The following BRMS1 variants were observed in gnomAD, a reference collection of about 807,000 sequenced individuals.
BRMS1 encodes breast cancer metastasis-suppressor 1.
In BRMS1, 26 loss-of-function variants were observed where a neutral mutation model predicts 40.4. The ratio of observed to expected loss-of-function variants is 0.64; its 90% confidence interval spans 0.47 to 0.89. The LOEUF is 0.89. BRMS1 is among the 40% of genes least tolerant of loss of function. The probability of loss-of-function intolerance (pLI) is 0.00; values close to 1 mark genes in which losing one functional copy is unlikely to be tolerated. For synonymous variants in BRMS1, 103 were observed against 116.0 expected (o/e 0.89, Z 0.72); for missense variants, 289 against 309.4 (o/e 0.93, Z 0.49).
Position 66,341,457 on chromosome 11 carries a change from G to A in BRMS1, c.230+76C>T, listed in dbSNP as rs183639989. 48 of 1,597,024 alleles carry A rather than the reference G, an allele frequency of 3.0e-5. No individual in the cohort carries two copies. In the East Asian group the frequency reaches 6.5e-4, roughly 22 times the overall value. ...CGCGCACTTCCTGGGCACCAACCAC[G>A]CCTGCCCAGTACCAGGCCCACCACC... is the stretch of plus-strand genomic sequence containing the variant. On this transcript the variant is annotated intron_variant, in intron 3 of 9. Transcript: ENST00000359957. This position sits in a 1 kb window ranked among gnomAD's most constrained non-coding sequence, Gnocchi z 4.9.
At chr11:66,344,116 C>T (rs1007679220) in intron 1 of BRMS1, among the ~76,000 whole-genome samples, 3 of 152,224 alleles carry the variant, frequency 2.0e-5, no homozygotes, top group Non-Finnish European at 2.9e-5. Context: ...TATCTGTCCC[C>T]GCAATCAGTC....
chr11:66,340,645 C>T (rs1855043819), intron 6 of BRMS1, 129 bp downstream of exon 6: 2 of 754,278 alleles, frequency 2.7e-6, no homozygotes, highest in Non-Finnish European at 4.3e-6. Context: ...TCTCCTTCAG[C>T]CCTCACACTG....
chr11:66,341,753 C>T lies in BRMS1; in HGVS notation c.140-130G>A. 2 of 811,682 alleles carry T rather than the reference C, an allele frequency of 2.5e-6. No individual in the cohort carries two copies. Among genetic ancestry groups the T allele is most frequent in the East Asian group, 5.0e-5 (2 of 39,768 alleles). The allele number at this position is 811,682 out of a possible 1,614,324, so 50.3% of individuals were successfully genotyped here. On this transcript the variant is annotated intron_variant, in intron 2 of 9. Transcript: ENST00000359957. This position sits in a 1 kb window ranked among gnomAD's most constrained non-coding sequence, Gnocchi z 4.9. Reference sequence around the variant, plus strand: ...TAGGGCCTGTGTGTGTGTGCGCGTACATGCTTGTGTGAAGGGGCTGTGTGT... The same window carrying T: ...TAGGGCCTGTGTGTGTGTGCGCGTATATGCTTGTGTGAAGGGGCTGTGTGT...
chr11:66,341,612 C>T lies in BRMS1; in HGVS notation c.151G>A (p.Glu51Lys), dbSNP rs1200243088. 1.2e-6 allele frequency: 2 copies of T among 1,613,898 alleles called. No individual in the cohort carries two copies. Among genetic ancestry groups the T allele is most frequent in the Admixed American group, 1.7e-5 (1 of 60,008 alleles). ...SEEESSEMDD[E>K]DYERRRSECV... ...TCGCTGCGGCGTCGCTCATAGTCCTCATCATCCATCTCTGGGACAAGAGGC... is the reference window on the plus strand; with the variant it reads ...TCGCTGCGGCGTCGCTCATAGTCCTTATCATCCATCTCTGGGACAAGAGGC... The change falls in exon 3 of 10, where the codon GAG becomes AAG. Residue 51 changes from glutamate to lysine, a missense_variant. Coordinates refer to ENST00000359957, the MANE Select transcript of BRMS1 (RefSeq NM_015399.4). The surrounding 1 kb of genome is among the most constrained non-coding windows in gnomAD (Gnocchi z 4.9).
rs777528665 is a variant in BRMS1 at position 66,340,180 on chromosome 11, C to A, written c.569G>T (p.Ser190Ile). ...CGGCAGGGAGTCCCAAGACCTGGAG[C>A]TGCCTCTGGCGTGCAGTTTGTCATC... ...WWDDKLHARG[S>I]SRSWDSLPPS... Residue 190 changes from serine to isoleucine, a missense_variant, in exon 7 of 10, where the codon AGC becomes ATC. Transcript: ENST00000359957. 1.2e-6 allele frequency: 2 copies of A among 1,613,648 alleles called. No individual in the cohort carries two copies. Among genetic ancestry groups the A allele is most frequent in the African/African-American group, 1.3e-5 (1 of 74,812 alleles).
rs574425245 is a variant in BRMS1, at chr11:66,341,987, G to A, written c.139+109C>T. 263 of 1,240,502 alleles carry A rather than the reference G, an allele frequency of 2.1e-4. 1 individual carries two copies. The highest frequency in any genetic ancestry group is 8.2e-4 in the South Asian group (58 of 70,688). The allele number at this position is 1,240,502 out of a possible 1,614,324, so 76.8% of individuals were successfully genotyped here. ...TCTGTGTATGTGCTTGTGTGTAGGC[G>A]CTGTATGTGCATGTGCGTGCATGCT... On this transcript the variant is annotated intron_variant, in intron 2 of 9. Coordinates refer to ENST00000359957, the MANE Select transcript of BRMS1 (RefSeq NM_015399.4). This position sits in a 1 kb window ranked among gnomAD's most constrained non-coding sequence, Gnocchi z 4.9.
intron 6 of BRMS1, 68 bp from the exon 7 acceptor site, chr11:66,340,281 G>A (rs549534128): frequency 7.0e-7 from 1 of 1,421,136 alleles, no homozygotes; most frequent in East Asian, 2.3e-5. Flanking sequence ...TGTAGCCTCT[G>A]CCTCCACCAT....
chr11:66,340,856 C>G lies in BRMS1; in HGVS notation c.453G>C (p.Leu151=), dbSNP rs1356848445. The part of the protein sequence containing the change: ...AKQHLESEKL[L]LYDTLQGELQ... The stretch of plus-strand genomic sequence containing the variant: ...GCTCCCCCTGCAGCGTGTCATAGAG[C>G]AGCAGCTTCTCACTCTGGAAGAGGG... The change falls in exon 6 of 10, where the codon CTG becomes CTC. Residue 151 remains leucine, a synonymous_variant. Transcript: ENST00000359957. 3 of 1,613,978 alleles carry G rather than the reference C, an allele frequency of 1.9e-6. No individual in the cohort carries two copies. Among genetic ancestry groups the G allele is most frequent in the Non-Finnish European group, 2.5e-6 (3 of 1,180,024 alleles).
At position 66,341,970 on chromosome 11, in the gene BRMS1, T is replaced by C. The variant is rs1308033587; in HGVS notation, c.139+126A>G. On this transcript the variant is annotated intron_variant, in intron 2 of 9. Transcript: ENST00000359957. This position sits in a 1 kb window ranked among gnomAD's most constrained non-coding sequence, Gnocchi z 4.9. ...TGCGCTTGTGTGCAGGGTCTGTGTA[T>C]GTGCTTGTGTGTAGGCGCTGTATGT... 1 of 1,063,538 alleles carries C rather than the reference T, an allele frequency of 9.4e-7. No individual in the cohort carries two copies. The highest frequency in any genetic ancestry group is 1.4e-6 in the Non-Finnish European group (1 of 735,120). The allele number at this position is 1,063,538 out of a possible 1,614,324, so 65.9% of individuals were successfully genotyped here. A position where few individuals can be genotyped will look rare whatever the true frequency, so the allele number is the denominator to read the frequency against.
rs777193514 is a variant in BRMS1, at chr11:66,341,548, G to A, written c.215C>T (p.Ser72Leu). ...SEMLDLEKQF[S>L]ELKEKLFRER... ...CCACGCTCACTTCTCCTTTAGCTCC[G>A]AGAACTGCTTCTCTAGGTCCAGCAT... Residue 72 changes from serine to leucine, a missense_variant, in exon 3 of 10, where the codon TCG becomes TTG. Transcript: ENST00000359957. This position sits in a 1 kb window ranked among gnomAD's most constrained non-coding sequence, Gnocchi z 4.9. The A allele has an allele frequency of 2.3e-5, 37 of 1,613,914 alleles. No homozygotes were observed. Among genetic ancestry groups the A allele is most frequent in the South Asian group, 4.4e-5 (4 of 91,082 alleles).
rs781328384 is a variant in BRMS1, at chr11:66,340,978, G to A, written c.427C>T (p.Gln143Ter). Residue 143 changes from glutamine (Q) to a stop codon, truncating the protein, a stop_gained, in exon 5 of 10, where the codon CAG (glutamine) becomes TAG (stop). Transcript: ENST00000359957. LOFTEE classifies it high-confidence loss of function. ...KYECELQGAK[Q>*]HLESEKLLLY... ...CCAATCAGGCCCACCTCCAGGTGCT[G>A]TTTGGCTCCCTGCAGCTCACATTCG... 1 of 1,614,126 alleles carries A rather than the reference G, an allele frequency of 6.2e-7. No homozygotes were observed. The highest frequency in any genetic ancestry group is 8.5e-7 in the Non-Finnish European group (1 of 1,180,036).
chr11:66,338,348 C>T (rs1370015072), intron 8 of BRMS1, 66 bp from the exon 9 acceptor site: 49 of 1,557,100 alleles, frequency 3.1e-5, no homozygotes, highest in Non-Finnish European at 4.0e-5. Context: ...CTGCCCCACC[C>T]CCCACCTCTG....
chr11:66,344,946 C>T (rs1320355276), intron 1 of BRMS1, 26 bp downstream of exon 1: 1 of 152,282 alleles, frequency 6.6e-6, no homozygotes, highest in African/African-American at 2.4e-5. Flanking sequence ...GAGGGCGAAC[C>T]AAAAGCCATG....
chr11:66,338,562 GC>G (rs1565204914), intron 8 of BRMS1, 158 bp downstream of exon 8: 1 of 1,544,210 alleles, frequency 6.5e-7, no homozygotes, highest in African/African-American at 1.4e-5. Flanking sequence ...GCCGCCTTGA[GC>G]AAGAGGACTT....
chr11:66,341,915 G>A lies in BRMS1; in HGVS notation c.139+181C>T. ...TTGTGTGTAGGGGCTGTGTGTGCGTGCTTGTGTGTAGGGGCTGTGTGTGCG... is the reference window on the plus strand; with the variant it reads ...TTGTGTGTAGGGGCTGTGTGTGCGTACTTGTGTGTAGGGGCTGTGTGTGCG... On this transcript the variant is annotated intron_variant, in intron 2 of 9. Transcript: ENST00000359957. This position sits in a 1 kb window ranked among gnomAD's most constrained non-coding sequence, Gnocchi z 4.9. The A allele has an allele frequency of 1.4e-6, 1 of 714,592 alleles. No individual in the cohort carries two copies. Among genetic ancestry groups the A allele is most frequent in the Non-Finnish European group, 2.4e-6 (1 of 421,888 alleles). The allele number at this position is 714,592 out of a possible 1,614,324, so 44.3% of individuals were successfully genotyped here.
Position 66,337,491 on chromosome 11 carries a change from A to G in BRMS1, c.*391T>C. ...ATCACGTCTGACTCAGAGTTCCCGC[A>G]CAGTGGAAACTGGCTCCCTGGCCCT... On this transcript the variant is annotated 3_prime_UTR_variant, in exon 10 of 10. Transcript: ENST00000359957. 3.3e-6 allele frequency: 2 copies of G among 609,018 alleles called. No homozygotes were observed. The highest frequency in any genetic ancestry group is 2.6e-4 in the Middle Eastern group (1 of 3,896). The allele number at this position is 609,018 out of a possible 1,614,324, so 37.7% of individuals were successfully genotyped here.
At chr11:66,344,115 C>T (rs1213033861) in intron 1 of BRMS1, among the ~76,000 whole-genome samples, 3 of 152,330 alleles carry the variant, frequency 2.0e-5, no homozygotes, top group East Asian at 3.8e-4. Flanking sequence ...ATATCTGTCC[C>T]CGCAATCAGT....
At chr11:66,344,390 C>T (rs776849462) in intron 1 of BRMS1, among the ~76,000 whole-genome samples, 8 of 152,218 alleles carry the variant, frequency 5.3e-5, no homozygotes, top group Non-Finnish European at 1.0e-4. Context: ...ATGACCTGCA[C>T]CTGACTTGAA....
chr11:66,341,356 T>A lies in BRMS1; in HGVS notation c.231-23A>T, dbSNP rs1004875942. ...AACCTGCGTGGTAAAAAGGCAGCCG[T>A]GCACCCATTTGCTCACCCATCGCTC... On this transcript the variant is annotated intron_variant, in intron 3 of 9. Coordinates refer to ENST00000359957, the MANE Select transcript of BRMS1 (RefSeq NM_015399.4). This position sits in a 1 kb window ranked among gnomAD's most constrained non-coding sequence, Gnocchi z 4.9. The A allele has an allele frequency of 6.2e-7, 1 of 1,605,804 alleles. No individual in the cohort carries two copies. The highest frequency in any genetic ancestry group is 1.7e-5 in the Admixed American group (1 of 59,872).
Sources: gnomAD v4.1 joint callset for allele counts (sites outside exome capture counted in the v4.1 genomes callset) on GRCh38, gnomAD v4.1.1 for gene constraint, Gnocchi (gnomAD v3.1) non-coding constraint, MANE v1.5 for transcripts, NCBI Gene and HGNC (gene_info 2026-07-23, HGNC 2026-07-21) for gene names.